Variants in STX18 observed in about 807,000 individuals in gnomAD.
The protein encoded by STX18 is syntaxin-18.
Under a neutral mutation model 50.1 loss-of-function variants are expected in STX18, and 40 were observed. The observed-to-expected ratio is 0.80, with a 90% CI of 0.62 to 1.04. The LOEUF (loss-of-function observed/expected upper bound fraction) is 1.04, where lower values mean the gene tolerates loss of function less well. Ranked by LOEUF, STX18 falls within the 50% of genes least tolerant of loss-of-function variation. The pLI is 0.00. For synonymous variants in STX18, 158 were observed against 151.8 expected, an observed-to-expected ratio of 1.04 and a Z score of -0.30; for missense variants, 410 against 415.8, an observed-to-expected ratio of 0.99 and a Z score of 0.12.
intron 1 of STX18, among the ~76,000 whole-genome samples, chr4:4,495,951 A>G (rs1729147806): frequency 6.6e-6 from 1 of 152,226 alleles, no homozygotes; most frequent in South Asian, 2.1e-4. Flanking sequence ...GGGAAGGTGA[A>G]TAAGAGCATC....
intron 1 of STX18, among the ~76,000 whole-genome samples, chr4:4,515,683 T>G (rs1216769489): frequency 6.6e-6 from 1 of 152,164 alleles, no homozygotes; most frequent in African/African-American, 2.4e-5. Context: ...TTTGGAGACA[T>G]TAAGTGTACA....
chr4:4,455,759 T>C (rs1727029809), intron 5 of STX18, among the ~76,000 whole-genome samples: 1 of 152,218 alleles, frequency 6.6e-6, no homozygotes, highest in Non-Finnish European at 1.5e-5. Context: ...ACTTCACGTG[T>C]TGTCATAGGT....
intron 1 of STX18, among the ~76,000 whole-genome samples, chr4:4,532,299 T>C (rs1731134732): frequency 6.6e-6 from 1 of 152,242 alleles, no homozygotes; most frequent in South Asian, 2.1e-4. Context: ...TTATTCTGTT[T>C]AATGAGCACT....
At chr4:4,443,544 C>A (rs1726230685) in intron 5 of STX18, among the ~76,000 whole-genome samples, 1 of 152,194 alleles carries the variant, frequency 6.6e-6, no homozygotes, top group Non-Finnish European at 1.5e-5. Context: ...ATTACAAAAT[C>A]ATTTTATGAG....
intron 1 of STX18, among the ~76,000 whole-genome samples, chr4:4,482,093 G>T (rs1372105783): frequency 6.6e-6 from 1 of 152,052 alleles, no homozygotes; most frequent in South Asian, 2.1e-4. Flanking sequence ...GAACACCACT[G>T]TCTCTAGGTT....
intron 1 of STX18, among the ~76,000 whole-genome samples, chr4:4,518,718 T>C (rs1191803159): frequency 9.9e-5 from 15 of 152,156 alleles, no homozygotes; most frequent in Non-Finnish European, 8.8e-5. Flanking sequence ...AGAAAACATA[T>C]CTTAAAAGAT....
At position 4,420,403 on chromosome 4, in the gene STX18, C is replaced by G; in HGVS notation, c.913-274G>C. 2.2e-6 allele frequency: 1 copy of G among 463,298 alleles called. No homozygotes were observed. The highest frequency in any genetic ancestry group is 3.9e-6 in the Non-Finnish European group (1 of 254,446). The allele number at this position is 463,298 out of a possible 1,614,324, so 28.7% of individuals were successfully genotyped here. ...CCTTCTGTCCCAGGGTTAAGGGCCC[C>G]GAGCAGAGTGTGACCGCAAGCTTTG... On this transcript the variant is annotated intron_variant, in intron 10 of 10. Transcript: ENST00000306200. This position sits in a 1 kb window ranked among gnomAD's most constrained non-coding sequence, Gnocchi z 4.3.
At chr4:4,484,528 T>C in intron 1 of STX18, among the ~76,000 whole-genome samples, 1 of 152,252 alleles carries the variant, frequency 6.6e-6, no homozygotes. Context: ...AAGACATCTA[T>C]AATGAAAAAT....
intron 1 of STX18, among the ~76,000 whole-genome samples, chr4:4,486,875 T>C (rs1464634222): frequency 2.0e-5 from 3 of 152,222 alleles, no homozygotes; most frequent in African/African-American, 7.2e-5. Context: ...GAGGGGACTA[T>C]ATTTTAAATT....
intron 1 of STX18, among the ~76,000 whole-genome samples, chr4:4,531,545 C>G (rs184038079): frequency 5.3e-5 from 8 of 152,296 alleles, no homozygotes; most frequent in Non-Finnish European, 1.2e-4. Context: ...CCTCTGTAAT[C>G]AGGCCACAGC....
At chr4:4,454,403 A>T (rs1726954837) in intron 5 of STX18, among the ~76,000 whole-genome samples, 1 of 152,212 alleles carries the variant, frequency 6.6e-6, no homozygotes, top group Non-Finnish European at 1.5e-5. Context: ...CTGCTGAGAA[A>T]CAAGAACTAA....
At chr4:4,533,873 A>C (rs1472688164) in intron 1 of STX18, among the ~76,000 whole-genome samples, 2 of 152,232 alleles carry the variant, frequency 1.3e-5, no homozygotes, top group Non-Finnish European at 2.9e-5. Flanking sequence ...GGAGAAAATG[A>C]ATCAACTATC....
In STX18 at chr4:4,525,066, C is replaced by T. The variant is rs938306656; in HGVS notation, c.168+16731G>A. 4.6e-5 allele frequency among the ~76,000 whole-genome samples: 7 copies of T among 152,248 alleles called. No individual in the cohort carries two copies. The East Asian group carries it at 5.8e-4, about 13-fold the overall frequency. The stretch of plus-strand genomic sequence containing the variant: ...TTCCAGACAGCATCAGTCAGGCCCA[C>T]ATAGGGGTATCCTGTGGTACATTTA... On this transcript the variant is annotated intron_variant, in intron 1 of 10. Transcript: ENST00000306200.
intron 6 of STX18, among the ~76,000 whole-genome samples, chr4:4,438,126 C>T (rs868760423): frequency 6.6e-6 from 1 of 152,212 alleles, no homozygotes; most frequent in Non-Finnish European, 1.5e-5. Flanking sequence ...CTGAGGCAGA[C>T]AGCTCCCGGC....
At chr4:4,521,847 A>G (rs963585938) in intron 1 of STX18, among the ~76,000 whole-genome samples, 1 of 152,202 alleles carries the variant, frequency 6.6e-6, no homozygotes. Context: ...TCAACTTTCT[A>G]TAAGAAACTG....
intron 1 of STX18, among the ~76,000 whole-genome samples, chr4:4,511,352 A>G (rs1729995562): frequency 6.6e-6 from 1 of 152,216 alleles, no homozygotes; most frequent in Non-Finnish European, 1.5e-5. Context: ...TATGACAGCT[A>G]TGTTTTGTTC....
chr4:4,522,082 T>G (rs1730532740), intron 1 of STX18, among the ~76,000 whole-genome samples: 3 of 152,162 alleles, frequency 2.0e-5, no homozygotes, highest in Admixed American at 2.0e-4. Flanking sequence ...ATTAGGCCCT[T>G]TAGACATGGT....
At chr4:4,450,313 C>T (rs1052477988) in intron 5 of STX18, among the ~76,000 whole-genome samples, 4 of 152,128 alleles carry the variant, frequency 2.6e-5, no homozygotes, top group Admixed American at 2.6e-4. Flanking sequence ...AGAAACCTAG[C>T]TTTCAATATC....
At chr4:4,510,866 A>C (rs1344611582) in intron 1 of STX18, among the ~76,000 whole-genome samples, 1 of 152,222 alleles carries the variant, frequency 6.6e-6, no homozygotes, top group Non-Finnish European at 1.5e-5. Context: ...ACATGGATGA[A>C]GCTGGAAGCC....
Sources: gnomAD v4.1 joint callset for allele counts (sites outside exome capture counted in the v4.1 genomes callset) on GRCh38, gnomAD v4.1.1 for gene constraint, Gnocchi (gnomAD v3.1) non-coding constraint, MANE v1.5 for transcripts, NCBI Gene and HGNC (gene_info 2026-07-23, HGNC 2026-07-21) for gene names.